Variants in NPAS3 observed in about 807,000 individuals in gnomAD.
NPAS3 encodes neuronal PAS domain protein 3.
NPAS3 carries 14 observed loss-of-function variants against 73.1 expected under a neutral mutation model. The ratio of observed to expected loss-of-function variants is 0.19; its 90% CI spans 0.13 to 0.30. NPAS3 has a LOEUF of 0.30. NPAS3 is among the 10% of genes least tolerant of loss of function. The probability of loss-of-function intolerance (pLI) is 1.00; values close to 1 mark genes in which losing one functional copy is unlikely to be tolerated. For missense variants in NPAS3, 1,096 were observed against 1,250.0 expected (o/e 0.88, Z 1.86); for synonymous variants, 620 against 541.5 (o/e 1.14, Z -2.01).
At chr14:33,116,791 A>G (rs2043079998) in intron 2 of NPAS3, among the ~76,000 whole-genome samples, 1 of 150,496 alleles carries the variant, frequency 6.6e-6, no homozygotes, top group South Asian at 2.1e-4. Flanking sequence ...ACCTAGAAGC[A>G]GCACGCAACC....
intron 5 of NPAS3, among the ~76,000 whole-genome samples, chr14:33,620,541 G>C (rs1426283387): frequency 2.0e-5 from 3 of 152,138 alleles, no homozygotes; most frequent in Non-Finnish European, 4.4e-5. Context: ...AATATAGAGA[G>C]AGACTGATCT....
chr14:32,974,230 T>A (rs905553138), intron 1 of NPAS3, among the ~76,000 whole-genome samples: 4 of 152,186 alleles, frequency 2.6e-5, no homozygotes, highest in African/African-American at 7.2e-5. Flanking sequence ...GTTGAACACT[T>A]AAGATTGCTA....
chr14:33,541,135 A>G (rs959259411), intron 4 of NPAS3, among the ~76,000 whole-genome samples: 1 of 145,850 alleles, frequency 6.9e-6, no homozygotes, highest in African/African-American at 2.6e-5. Context: ...GTGCATGCAC[A>G]CACACACATT....
chr14:33,075,172 A>T (rs1188413837), intron 2 of NPAS3, among the ~76,000 whole-genome samples: 1 of 152,216 alleles, frequency 6.6e-6, no homozygotes, highest in Non-Finnish European at 1.5e-5. Context: ...AGTGAGGTTC[A>T]CACTTACTAT....
intron 4 of NPAS3, among the ~76,000 whole-genome samples, chr14:33,459,063 T>C (rs1212460377): frequency 6.6e-6 from 1 of 152,236 alleles, no homozygotes; most frequent in African/African-American, 2.4e-5. Context: ...CCTTCCCTTT[T>C]TAGACCATAT....
chr14:33,382,539 G>A (rs1034017320), intron 4 of NPAS3, among the ~76,000 whole-genome samples: 35 of 152,022 alleles, frequency 2.3e-4, no homozygotes, highest in African/African-American at 7.5e-4. Context: ...TAGCTAGGGC[G>A]GGAAAAATAC....
chr14:33,762,920 T>C (rs752763726), intron 7 of NPAS3, among the ~76,000 whole-genome samples: 4 of 152,204 alleles, frequency 2.6e-5, no homozygotes, highest in African/African-American at 7.2e-5. Flanking sequence ...ATCATTTATA[T>C]AGAGAGAAAT....
At chr14:33,735,098 C>T (rs528593772) in intron 6 of NPAS3, 116 bp from the exon 7 acceptor site, 8 of 746,994 alleles carry the variant, frequency 1.1e-5, no homozygotes, top group Non-Finnish European at 1.9e-5. Flanking sequence ...TACTACTGCT[C>T]TTAGCACCCA....
At chr14:33,801,338 GTCT>G (rs2138701819), downstream of NPAS3, 1 of 779,312 alleles carries the variant, frequency 1.3e-6, no homozygotes, top group East Asian at 2.9e-5. Context: ...CTGCCGTTTT[GTCT>G]TCTTCTAAGG....
chr14:33,455,428 A>T (rs1049177618), intron 4 of NPAS3, among the ~76,000 whole-genome samples: 1 of 152,200 alleles, frequency 6.6e-6, no homozygotes, highest in African/African-American at 2.4e-5. Context: ...GAGCACTCAC[A>T]TGTGAGAACA....
At chr14:33,537,154 A>C (rs1268214792) in intron 4 of NPAS3, among the ~76,000 whole-genome samples, 2 of 152,190 alleles carry the variant, frequency 1.3e-5, no homozygotes, top group East Asian at 3.9e-4. Flanking sequence ...CCTGGAAGGA[A>C]AATTTAATCT....
chr14:33,628,695 G>T (rs1214804432), intron 5 of NPAS3, among the ~76,000 whole-genome samples: 2 of 152,334 alleles, frequency 1.3e-5, no homozygotes, highest in East Asian at 3.9e-4. Context: ...TTGTAGAAAT[G>T]TGACAAGAGA....
chr14:33,260,769 A>G (rs1446869977), intron 3 of NPAS3, among the ~76,000 whole-genome samples: 1 of 152,094 alleles, frequency 6.6e-6, no homozygotes, highest in East Asian at 1.9e-4. Flanking sequence ...CCCTCTTACA[A>G]TCTGTATAAA....
chr14:33,496,938 G>C (rs1222144715), intron 4 of NPAS3, among the ~76,000 whole-genome samples: 2 of 151,992 alleles, frequency 1.3e-5, no homozygotes, highest in Non-Finnish European at 2.9e-5. Flanking sequence ...TGATTGTATA[G>C]TTAGAAAACC....
In NPAS3 at chr14:33,439,644, A is replaced by G. The variant is rs76496758; in HGVS notation, c.468+72376A>G. 1.6e-3 allele frequency among the ~76,000 whole-genome samples: 242 copies of G among 152,352 alleles called. 5 individuals are homozygous for G. The East Asian group carries it at 0.039, about 25-fold the overall frequency. On this transcript the variant is annotated intron_variant, in intron 4 of 11. Transcript: ENST00000356141. ...TAAATGAAACATTTAAAAATGATAAATTAAGACAATTTCAAAAAATGTAAA... is the reference window on the plus strand; with the variant it reads ...TAAATGAAACATTTAAAAATGATAAGTTAAGACAATTTCAAAAAATGTAAA...
At chr14:33,591,197 C>A (rs1409360462) in intron 5 of NPAS3, among the ~76,000 whole-genome samples, 1 of 152,182 alleles carries the variant, frequency 6.6e-6, no homozygotes, top group Non-Finnish European at 1.5e-5. Context: ...GGACAGCTGT[C>A]CTTGCCTGTA....
chr14:33,543,787 G>T (rs2054625433), intron 4 of NPAS3, among the ~76,000 whole-genome samples: 1 of 151,880 alleles, frequency 6.6e-6, no homozygotes, highest in Non-Finnish European at 1.5e-5. Flanking sequence ...AAACCTACAG[G>T]GGAGTGAGTG....
chr14:33,690,340 A>G (rs373302350), intron 6 of NPAS3, among the ~76,000 whole-genome samples: 1 of 151,950 alleles, frequency 6.6e-6, no homozygotes, highest in South Asian at 2.1e-4. Context: ...AGAGATGCCC[A>G]AATGCCCTGG....
At chr14:33,568,006 T>C (rs1162314905) in intron 5 of NPAS3, among the ~76,000 whole-genome samples, 1 of 152,214 alleles carries the variant, frequency 6.6e-6, no homozygotes, top group East Asian at 1.9e-4. Flanking sequence ...CTTACCATTT[T>C]CAAATGTATG....
Sources: allele counts gnomAD v4.1 joint callset (sites outside exome capture counted in the v4.1 genomes callset), GRCh38; gene constraint gnomAD v4.1.1; transcripts MANE v1.5; gene names NCBI Gene and HGNC (gene_info 2026-07-23, HGNC 2026-07-21).